The following CPVL variants were observed in gnomAD, a reference collection of about 807,000 sequenced individuals.
CPVL encodes probable serine carboxypeptidase CPVL.
CPVL carries 51 observed loss-of-function variants against 63.7 expected under a neutral mutation model. The ratio of observed to expected loss-of-function variants is 0.80; its 90% CI spans 0.64 to 1.01. The LOEUF (loss-of-function observed/expected upper bound fraction) is 1.01. CPVL is among the 50% of genes least tolerant of loss of function. The probability of loss-of-function intolerance (pLI) is 0.00; values close to 1 mark genes in which losing one functional copy is unlikely to be tolerated. For synonymous variants in CPVL, 195 were observed against 206.0 expected (o/e 0.95, Z 0.46); for missense variants, 530 against 573.1 (o/e 0.92, Z 0.77).
chr7:29,091,198 CAT>C (rs1368370651), intron 6 of CPVL, among the ~76,000 whole-genome samples: 2 of 152,142 alleles, frequency 1.3e-5, no homozygotes, highest in Admixed American at 6.5e-5. Flanking sequence ...AGATGGACCA[CAT>C]GTCAGCAGTC....
intron 3 of CPVL, among the ~76,000 whole-genome samples, chr7:29,101,417 G>A (rs1205465000): frequency 1.3e-5 from 2 of 152,096 alleles, no homozygotes; most frequent in African/African-American, 4.8e-5. Context: ...TTGCTAACAC[G>A]GTGAAACCCC....
intron 9 of CPVL, among the ~76,000 whole-genome samples, chr7:29,068,780 C>T (rs1311714604): frequency 6.6e-6 from 1 of 150,664 alleles, no homozygotes; most frequent in African/African-American, 2.4e-5. Flanking sequence ...CTGCAAGCTC[C>T]GCCTCCTGGG....
At chr7:29,154,040 T>C (rs1390629799) in intron 5 of CPVL, among the ~76,000 whole-genome samples, 1 of 152,218 alleles carries the variant, frequency 6.6e-6, no homozygotes, top group Non-Finnish European at 1.5e-5. Flanking sequence ...AAAAGTTATA[T>C]GTGCATTTTT....
upstream of CPVL, among the ~76,000 whole-genome samples, chr7:29,150,365 G>A (rs941995184): frequency 6.6e-6 from 1 of 152,158 alleles, no homozygotes; most frequent in South Asian, 2.1e-4. Context: ...CTCAAAAAAT[G>A]GCAGCTGTAA....
At chr7:29,083,026 A>G (rs1784884809) in intron 7 of CPVL, among the ~76,000 whole-genome samples, 2 of 152,208 alleles carry the variant, frequency 1.3e-5, no homozygotes, top group South Asian at 4.1e-4. Flanking sequence ...TGGTTAAAAG[A>G]CAAGGAACAG....
chr7:29,003,154 GCACACACA>G lies in CPVL; in HGVS notation c.1321-7280_1321-7273del, dbSNP rs535400256. On this transcript the variant is annotated intron_variant, in intron 12 of 12. Transcript: ENST00000265394. ...ATATTACACTATAGTATGTGTATGT[GCACACACA>G]CACACACACACACACACACACACAC... 7.3e-5 allele frequency among the ~76,000 whole-genome samples: 9 copies of G among 123,786 alleles called. No homozygotes were observed. In the East Asian group the frequency reaches 8.7e-4, roughly 12 times the overall value. The allele number at this position is 123,786 out of a possible 152,430, so 81.2% of individuals were successfully genotyped here. A position where few individuals can be genotyped will look rare whatever the true frequency, so the allele number is the denominator to read the frequency against.
intron 12 of CPVL, among the ~76,000 whole-genome samples, chr7:28,997,738 A>C (rs1784227086): frequency 7.0e-6 from 1 of 142,982 alleles, no homozygotes. Context: ...CTTTGAACTG[A>C]AATTTGCAGC....
chr7:29,125,264 C>T (rs1481636747), intron 1 of CPVL, among the ~76,000 whole-genome samples: 1 of 152,018 alleles, frequency 6.6e-6, no homozygotes, highest in African/African-American at 2.4e-5. Flanking sequence ...TGGTCCAGTT[C>T]CTTCATCTTC....
exon 1 of CPVL, chr7:29,195,156 G>A: frequency 1.6e-6 from 1 of 615,006 alleles, no homozygotes; most frequent in Non-Finnish European, 2.6e-6. Flanking sequence ...GCACCTCGGT[G>A]CCCAGAGCAC....
chr7:29,072,211 A>T, intron 8 of CPVL, 90 bp downstream of exon 8: 1 of 1,427,294 alleles, frequency 7.0e-7, no homozygotes. Context: ...CCTTATCAAA[A>T]GTTAGACCTC....
At chr7:29,059,963 G>C (rs780167796) in intron 11 of CPVL, among the ~76,000 whole-genome samples, 35 of 152,098 alleles carry the variant, frequency 2.3e-4, no homozygotes, top group Non-Finnish European at 4.7e-4. Context: ...AAGAGTTCTT[G>C]ATTATATTTC....
intron 1 of CPVL, among the ~76,000 whole-genome samples, chr7:29,140,599 T>C (rs1262697624): frequency 1.3e-5 from 2 of 152,168 alleles, no homozygotes; most frequent in African/African-American, 4.8e-5. Context: ...CCATTCACAA[T>C]GCAAATCCTA....
At chr7:29,128,844 C>G (rs1790371644) in intron 1 of CPVL, among the ~76,000 whole-genome samples, 1 of 152,088 alleles carries the variant, frequency 6.6e-6, no homozygotes, top group Non-Finnish European at 1.5e-5. Flanking sequence ...TGAGAGGGAG[C>G]CAGCCTTGAG....
chr7:29,037,467 G>C (rs1441140308), intron 11 of CPVL, among the ~76,000 whole-genome samples: 1 of 149,976 alleles, frequency 6.7e-6, no homozygotes, highest in Non-Finnish European at 1.5e-5. Flanking sequence ...GCAGGAGAAT[G>C]GAGTGAACCT....
chr7:29,173,951 A>G (rs2128729331), intron 5 of CPVL, among the ~76,000 whole-genome samples: 1 of 147,428 alleles, frequency 6.8e-6, no homozygotes, highest in Non-Finnish European at 1.5e-5. Context: ...GACTGACTCA[A>G]AAAAAAAAAA....
chr7:29,042,107 C>T (rs1254455099), intron 11 of CPVL, among the ~76,000 whole-genome samples: 3 of 152,112 alleles, frequency 2.0e-5, no homozygotes, highest in Non-Finnish European at 4.4e-5. Context: ...GACAGCCACT[C>T]TCGGAGGAGC....
intron 5 of CPVL, among the ~76,000 whole-genome samples, chr7:29,172,635 A>G (rs959856378): frequency 1.3e-5 from 2 of 152,250 alleles, no homozygotes; most frequent in African/African-American, 4.8e-5. Context: ...TCCATCTTTG[A>G]CATTAACAGA....
chr7:29,028,337 TA>T (rs1184581065), intron 12 of CPVL, among the ~76,000 whole-genome samples: 2 of 152,054 alleles, frequency 1.3e-5, no homozygotes, highest in Non-Finnish European at 2.9e-5. Context: ...CCATGTAAAA[TA>T]AGCTCAAAAT....
chr7:29,136,399 T>C (rs1211281309), intron 1 of CPVL, among the ~76,000 whole-genome samples: 1 of 152,216 alleles, frequency 6.6e-6, no homozygotes, highest in East Asian at 1.9e-4. Flanking sequence ...AAGGTAAATA[T>C]TAGATATTGA....
Sources: allele counts gnomAD v4.1 joint callset (sites outside exome capture counted in the v4.1 genomes callset), GRCh38; gene constraint gnomAD v4.1.1; transcripts MANE v1.5; gene names NCBI Gene and HGNC (gene_info 2026-07-23, HGNC 2026-07-21).